DLG2: variants seen among roughly 807,000 people sequenced by gnomAD.
DLG2 encodes the protein disks large homolog 2.
In DLG2, 45 loss-of-function variants were observed where a neutral mutation model predicts 132.5. The observed-to-expected ratio is 0.34, with a 90% CI of 0.27 to 0.44. The LOEUF is 0.44. Among genes scored for constraint, DLG2 ranks in the 20% least tolerant of loss-of-function variants. DLG2 has a pLI of 1.00. For missense variants in DLG2, 1,045 were observed against 1,196.9 expected (o/e 0.87, Z 1.87); for synonymous variants, 424 against 419.6 (o/e 1.01, Z -0.13).
chr11:84,300,587 A>C (rs4944479), intron 7 of DLG2, among the ~76,000 whole-genome samples: 27,251 of 151,754 alleles, frequency 0.18, 2,673 homozygotes, highest in East Asian at 0.28. Context: ...TCCTTCCTTC[A>C]TTCCTTCCTT....
intron 6 of DLG2, among the ~76,000 whole-genome samples, chr11:84,677,437 C>A (rs993894138): frequency 1.3e-4 from 19 of 151,976 alleles, no homozygotes; most frequent in African/African-American, 3.6e-4. Context: ...AGGAAAAAAA[C>A]CATATTTCTC....
chr11:84,298,183 A>T (rs151082939), intron 7 of DLG2, among the ~76,000 whole-genome samples: 1 of 152,322 alleles, frequency 6.6e-6, no homozygotes, highest in East Asian at 1.9e-4. Flanking sequence ...ATTCTTGGTT[A>T]TACTATCTAT....
intron 16 of DLG2, among the ~76,000 whole-genome samples, chr11:83,838,514 T>C (rs2154011729): frequency 6.6e-6 from 1 of 152,334 alleles, no homozygotes; most frequent in African/African-American, 2.4e-5. Flanking sequence ...TAGAATACGG[T>C]ATATACCAGA....
chr11:85,152,642 A>C (rs759234135), intron 5 of DLG2, among the ~76,000 whole-genome samples: 14 of 152,238 alleles, frequency 9.2e-5, no homozygotes, highest in Non-Finnish European at 1.9e-4. Context: ...TAGATTAGGA[A>C]ACTGAGGCAT....
chr11:83,518,109 G>A (rs927335057), intron 21 of DLG2, among the ~76,000 whole-genome samples: 1 of 152,218 alleles, frequency 6.6e-6, no homozygotes, highest in African/African-American at 2.4e-5. Flanking sequence ...GCTATGCCCT[G>A]CCCCCAGAGG....
intron 3 of DLG2, among the ~76,000 whole-genome samples, chr11:85,343,632 T>TCA (rs903541682): frequency 2.0e-5 from 3 of 151,262 alleles, no homozygotes; most frequent in Admixed American, 1.3e-4. Context: ...TCTCTCTCTC[T>TCA]CACACACACA....
chr11:85,504,987 G>T (rs1311208153), intron 3 of DLG2, among the ~76,000 whole-genome samples: 7 of 152,152 alleles, frequency 4.6e-5, no homozygotes, highest in Admixed American at 4.6e-4. Context: ...GTGAATGGAA[G>T]TTCACTCATG....
At chr11:85,566,381 T>C (rs921646632) in intron 3 of DLG2, among the ~76,000 whole-genome samples, 7 of 152,076 alleles carry the variant, frequency 4.6e-5, no homozygotes, top group African/African-American at 1.7e-4. Context: ...GGTGTCATAG[T>C]TAAGAAATCA....
intron 16 of DLG2, among the ~76,000 whole-genome samples, chr11:83,842,429 A>G (rs971978481): frequency 6.0e-5 from 9 of 151,220 alleles, no homozygotes; most frequent in African/African-American, 9.7e-5. Flanking sequence ...CCCCATCTCT[A>G]CTAAAAATAC....
At chr11:83,488,522 A>ATGAG (rs1491243950) in intron 21 of DLG2, among the ~76,000 whole-genome samples, 1 of 151,960 alleles carries the variant, frequency 6.6e-6, no homozygotes, top group African/African-American at 2.4e-5. Context: ...TTAAACACAC[A>ATGAG]TGAGTGAATC....
intron 15 of DLG2, among the ~76,000 whole-genome samples, chr11:83,913,328 T>G (rs529098468): frequency 1.3e-5 from 2 of 152,216 alleles, no homozygotes; most frequent in African/African-American, 4.8e-5. Context: ...TACAGGGCTC[T>G]TATGGGAGTA....
intron 7 of DLG2, among the ~76,000 whole-genome samples, chr11:84,276,811 C>T (rs1396520438): frequency 3.9e-5 from 6 of 152,168 alleles, no homozygotes. Flanking sequence ...AATTTAACTT[C>T]ATGACAATTG....
At chr11:83,670,261 T>C (rs1256751022) in intron 18 of DLG2, among the ~76,000 whole-genome samples, 1 of 151,876 alleles carries the variant, frequency 6.6e-6, no homozygotes, top group Non-Finnish European at 1.5e-5. Flanking sequence ...ACAAATAGAG[T>C]GGATGCTTGT....
intron 18 of DLG2, among the ~76,000 whole-genome samples, chr11:83,651,296 ATTACTTAACATTTC>A (rs1228589086): frequency 1.3e-5 from 2 of 152,194 alleles, no homozygotes; most frequent in African/African-American, 4.8e-5. Flanking sequence ...CCAGGGGCAA[ATTACTTAACATTTC>A]TGAGTTGGAA....
At chr11:85,501,948 A>G (rs2093813942) in intron 3 of DLG2, among the ~76,000 whole-genome samples, 1 of 152,156 alleles carries the variant, frequency 6.6e-6, no homozygotes, top group Non-Finnish European at 1.5e-5. Context: ...AAATCATTCT[A>G]CGATAAAGAC....
intron 10 of DLG2, among the ~76,000 whole-genome samples, chr11:84,071,431 G>T (rs1380288487): frequency 6.6e-6 from 1 of 151,944 alleles, no homozygotes; most frequent in African/African-American, 2.4e-5. Flanking sequence ...TAAAGATGGG[G>T]GTCTTGCTCT....
At chr11:83,821,522 A>G (rs995628128) in intron 17 of DLG2, among the ~76,000 whole-genome samples, 2 of 152,184 alleles carry the variant, frequency 1.3e-5, no homozygotes, top group Non-Finnish European at 2.9e-5. Context: ...CCATGTTCAT[A>G]TCTTATGTCT....
intron 6 of DLG2, among the ~76,000 whole-genome samples, chr11:84,724,990 A>G (rs1280783884): frequency 2.6e-5 from 4 of 152,188 alleles, no homozygotes; most frequent in Admixed American, 6.5e-5. Flanking sequence ...AACATCTTCC[A>G]GCTTACATTT....
At chr11:83,791,282 T>C in intron 17 of DLG2, 1 of 676,270 alleles carries the variant, frequency 1.5e-6, no homozygotes, top group Non-Finnish European at 2.6e-6. Flanking sequence ...TCGGCAGAGC[T>C]CCCAGAGGGT....
Sources: allele counts gnomAD v4.1 joint callset (sites outside exome capture counted in the v4.1 genomes callset), GRCh38; gene constraint gnomAD v4.1.1; transcripts MANE v1.5; gene names NCBI Gene and HGNC (gene_info 2026-07-23, HGNC 2026-07-21).